NEGR1: variants seen among roughly 807,000 people sequenced by gnomAD.
The protein encoded by NEGR1 is IgLON family member 4.
In NEGR1, 10 loss-of-function variants were observed where a neutral mutation model predicts 40.9. The ratio of observed to expected loss-of-function variants is 0.24; its 90% CI spans 0.15 to 0.42. NEGR1 has a LOEUF of 0.42. NEGR1 is among the 10% of genes least tolerant of loss of function. The pLI is 1.00. For synonymous variants in NEGR1, 185 were observed against 166.8 expected (o/e 1.11, Z -0.84); for missense variants, 352 against 438.9 (o/e 0.80, Z 1.77).
intron 2 of NEGR1, among the ~76,000 whole-genome samples, chr1:71,838,868 AG>A (rs1052299970): frequency 7.2e-5 from 11 of 152,270 alleles, no homozygotes; most frequent in African/African-American, 2.6e-4. Flanking sequence ...TAAAAGTTGA[AG>A]TAAAATTAAA....
intron 1 of NEGR1, among the ~76,000 whole-genome samples, chr1:72,025,893 C>T (rs1467729400): frequency 6.6e-6 from 1 of 151,602 alleles, no homozygotes; most frequent in African/African-American, 2.4e-5. Flanking sequence ...GGGCGGATCA[C>T]GAGGTCAGGA....
chr1:72,229,377 T>C (rs1224334721), intron 1 of NEGR1, among the ~76,000 whole-genome samples: 5 of 148,540 alleles, frequency 3.4e-5, no homozygotes, highest in Admixed American at 6.8e-5. Flanking sequence ...TAAAATATAA[T>C]ATTTTGATTT....
At chr1:72,076,889 CCTT>C (rs1400019655) in intron 1 of NEGR1, among the ~76,000 whole-genome samples, 6 of 109,516 alleles carry the variant, frequency 5.5e-5, no homozygotes, top group African/African-American at 8.6e-5. Flanking sequence ...TCTCATTTAT[CCTT>C]TTTTTTTTTT....
At chr1:71,838,708 CAT>C (rs762175486) in intron 2 of NEGR1, among the ~76,000 whole-genome samples, 1 of 151,962 alleles carries the variant, frequency 6.6e-6, no homozygotes, top group Non-Finnish European at 1.5e-5. Flanking sequence ...TTGTTAATAA[CAT>C]TATTTAAATT....
chr1:71,455,707 G>C (rs943040541), intron 6 of NEGR1, among the ~76,000 whole-genome samples: 4 of 152,070 alleles, frequency 2.6e-5, no homozygotes, highest in African/African-American at 9.7e-5. Flanking sequence ...CCTGGCCATC[G>C]AGCAAGACTC....
At chr1:71,625,523 C>T (rs547592255) in intron 4 of NEGR1, among the ~76,000 whole-genome samples, 38 of 151,746 alleles carry the variant, frequency 2.5e-4, no homozygotes, top group African/African-American at 8.9e-4. Context: ...TGCATAGGTT[C>T]TATGCAAATA....
chr1:72,226,438 A>G (rs1278888989), intron 1 of NEGR1, among the ~76,000 whole-genome samples: 1 of 152,024 alleles, frequency 6.6e-6, no homozygotes, highest in African/African-American at 2.4e-5. Context: ...CTGAATCATC[A>G]GTGTCACAGG....
chr1:71,452,886 A>C (rs1646639275), intron 6 of NEGR1, among the ~76,000 whole-genome samples: 1 of 152,314 alleles, frequency 6.6e-6, no homozygotes, highest in African/African-American at 2.4e-5. Flanking sequence ...AACTTTTATA[A>C]AAATACATAT....
At chr1:72,111,805 A>G (rs912145758) in intron 1 of NEGR1, among the ~76,000 whole-genome samples, 2 of 151,826 alleles carry the variant, frequency 1.3e-5, no homozygotes, top group African/African-American at 4.8e-5. Flanking sequence ...TCATGAAAAG[A>G]GGAAATGGAG....
At chr1:71,964,380 C>A (rs1212720268) in intron 1 of NEGR1, among the ~76,000 whole-genome samples, 1 of 152,144 alleles carries the variant, frequency 6.6e-6, no homozygotes, top group Non-Finnish European at 1.5e-5. Flanking sequence ...TGTTCACTCT[C>A]CCCATTACTC....
intron 6 of NEGR1, among the ~76,000 whole-genome samples, chr1:71,458,091 T>C (rs1264182809): frequency 6.6e-6 from 1 of 152,200 alleles, no homozygotes; most frequent in Non-Finnish European, 1.5e-5. Flanking sequence ...ATCCTAGATC[T>C]ATTTAACTGC....
chr1:71,843,983 G>T (rs1376641480), intron 2 of NEGR1, among the ~76,000 whole-genome samples: 1 of 152,096 alleles, frequency 6.6e-6, no homozygotes, highest in African/African-American at 2.4e-5. Flanking sequence ...CAGAAAACCA[G>T]GCTAGCCTTC....
chr1:72,232,058 T>C (rs1410969133), intron 1 of NEGR1, among the ~76,000 whole-genome samples: 2 of 152,050 alleles, frequency 1.3e-5, no homozygotes, highest in African/African-American at 4.8e-5. Context: ...GGAATCTTTA[T>C]TTTAAGAAGC....
At chr1:72,034,844 C>T (rs1054272773) in intron 1 of NEGR1, among the ~76,000 whole-genome samples, 3 of 152,064 alleles carry the variant, frequency 2.0e-5, no homozygotes, top group African/African-American at 7.2e-5. Context: ...AACGCAGCCC[C>T]AAACCATTTT....
chr1:71,854,851 G>C (rs1046244510), intron 2 of NEGR1, among the ~76,000 whole-genome samples: 1 of 152,118 alleles, frequency 6.6e-6, no homozygotes, highest in African/African-American at 2.4e-5. Flanking sequence ...CACCAGGTCC[G>C]TCCCAGGACA....
chr1:72,257,051 G>A (rs558095381), intron 1 of NEGR1, among the ~76,000 whole-genome samples: 2 of 152,114 alleles, frequency 1.3e-5, no homozygotes, highest in South Asian at 2.1e-4. Flanking sequence ...GGCCGGGCGC[G>A]GTGGCTCACG....
chr1:71,807,421 C>A (rs773261425), intron 2 of NEGR1, among the ~76,000 whole-genome samples: 1 of 151,466 alleles, frequency 6.6e-6, no homozygotes, highest in Non-Finnish European at 1.5e-5. Flanking sequence ...AATAAAACAC[C>A]CTGTGAAAAG....
chr1:71,955,030 A>T (rs1312265257), intron 1 of NEGR1, among the ~76,000 whole-genome samples: 1 of 152,158 alleles, frequency 6.6e-6, no homozygotes, highest in Admixed American at 6.6e-5. Context: ...GCAACAAATT[A>T]CATACAGGTA....
At chr1:71,981,969 G>C in intron 1 of NEGR1, among the ~76,000 whole-genome samples, 1 of 152,082 alleles carries the variant, frequency 6.6e-6, no homozygotes, top group South Asian at 2.1e-4. Context: ...ACATTGTGGA[G>C]GTTGCAATAA....
Sources: allele counts gnomAD v4.1 joint callset (sites outside exome capture counted in the v4.1 genomes callset), GRCh38; gene constraint gnomAD v4.1.1; transcripts MANE v1.5; gene names NCBI Gene and HGNC (gene_info 2026-07-23, HGNC 2026-07-21).